The following HTR2C variants were observed in gnomAD, a reference collection of about 807,000 sequenced individuals.
HTR2C encodes 5-hydroxytryptamine (serotonin) receptor 2C, G protein-coupled.
In HTR2C, 5 loss-of-function variants were observed where a neutral mutation model predicts 21.0. The ratio of observed to expected loss-of-function variants is 0.24; its 90% CI spans 0.12 to 0.50. The LOEUF (loss-of-function observed/expected upper bound fraction) is 0.50, where lower values mean the gene tolerates loss of function less well. HTR2C is among the 20% of genes least tolerant of loss of function. HTR2C has a pLI of 0.98. For synonymous variants in HTR2C, 150 were observed against 145.3 expected (o/e 1.03, Z -0.23); for missense variants, 271 against 371.2 (o/e 0.73, Z 2.22).
At position 114,795,327 on chromosome X, in the gene HTR2C, T is replaced by A. The variant is rs782221540; in HGVS notation, c.350-52676T>A. On this transcript the variant is annotated intron_variant, in intron 4 of 5. Coordinates refer to ENST00000276198, the MANE Select transcript of HTR2C (RefSeq NM_000868.4). ...CATTCTGTAGGTTGCCTGTTCACTC[T>A]GATGGTAGTTTCTTTTGCTGTGCAG... Among the ~76,000 whole-genome samples, 90 of 111,125 alleles carry A rather than the reference T, an allele frequency of 8.1e-4. 1 individual carries two copies. Among genetic ancestry groups the A allele is most frequent in the African/African-American group, 2.8e-3 (85 of 30,645 alleles).
At chrX:114,824,812 C>G in intron 4 of HTR2C, among the ~76,000 whole-genome samples, 1 of 111,769 alleles carries the variant, frequency 8.9e-6, no homozygotes, top group Non-Finnish European at 1.9e-5. Context: ...CTTTATTTTC[C>G]TCAGCAGCAC....
intron 1 of HTR2C, among the ~76,000 whole-genome samples, chrX:114,592,518 T>G (rs964900043): frequency 9.0e-6 from 1 of 111,442 alleles, no homozygotes; most frequent in African/African-American, 3.3e-5. Flanking sequence ...ACAACACTTA[T>G]AGAGTGAGAA....
At position 114,765,620 on chromosome X, in the gene HTR2C, C is replaced by A. The variant is rs1411487050; in HGVS notation, c.349+34013C>A. ...TGAAAAACAACAACAACAACAACAA[C>A]AAATATTGATTCTTGCTTGATGTCT... On this transcript the variant is annotated intron_variant, in intron 4 of 5. Coordinates refer to ENST00000276198, the MANE Select transcript of HTR2C (RefSeq NM_000868.4). Among the ~76,000 whole-genome samples, 3 of 111,180 alleles carry A rather than the reference C, an allele frequency of 2.7e-5. No homozygotes were observed. In the East Asian group the frequency reaches 8.5e-4, roughly 32 times the overall value.
chrX:114,631,109 T>C (rs1180407920), intron 2 of HTR2C, among the ~76,000 whole-genome samples: 2 of 111,160 alleles, frequency 1.8e-5, no homozygotes, highest in Non-Finnish European at 3.8e-5. Flanking sequence ...ATCAAGGCCA[T>C]GCTGGCCAAC....
chrX:114,701,762 C>G (rs782292210), intron 2 of HTR2C, among the ~76,000 whole-genome samples: 2 of 111,723 alleles, frequency 1.8e-5, no homozygotes, highest in Admixed American at 9.5e-5. Context: ...CAAACTACTC[C>G]GAGCTACAGG....
chrX:114,666,224 T>A, intron 2 of HTR2C, among the ~76,000 whole-genome samples: 1 of 112,094 alleles, frequency 8.9e-6, no homozygotes. Context: ...TTGTAAATTT[T>A]GAAGTCAACT....
intron 3 of HTR2C, among the ~76,000 whole-genome samples, chrX:114,731,009 A>G (rs782377712): frequency 1.6e-4 from 18 of 111,558 alleles, no homozygotes; most frequent in Non-Finnish European, 3.0e-4. Flanking sequence ...ATTAGAACTG[A>G]CATCATGAGG....
At chrX:114,712,835 C>T (rs1244483010) in intron 2 of HTR2C, among the ~76,000 whole-genome samples, 2 of 111,765 alleles carry the variant, frequency 1.8e-5, no homozygotes, top group Non-Finnish European at 3.8e-5. Flanking sequence ...TCATCAAAGA[C>T]GAAAGATGTC....
intron 2 of HTR2C, among the ~76,000 whole-genome samples, chrX:114,718,554 T>A (rs1933062897): frequency 8.9e-6 from 1 of 112,106 alleles, no homozygotes; most frequent in South Asian, 3.6e-4. Context: ...TTGTGTAAAA[T>A]TGTACTATTG....
chrX:114,862,725 G>T (rs2071015850), intron 5 of HTR2C, among the ~76,000 whole-genome samples: 1 of 110,461 alleles, frequency 9.1e-6, no homozygotes, highest in East Asian at 2.8e-4. Context: ...AGGGTAACTG[G>T]GATATCCACC....
chrX:114,650,127 C>A (rs1930504435), intron 2 of HTR2C, among the ~76,000 whole-genome samples: 1 of 111,860 alleles, frequency 8.9e-6, no homozygotes, highest in Non-Finnish European at 1.9e-5. Context: ...AATTTGACTA[C>A]ATTTAATGTC....
intron 2 of HTR2C, among the ~76,000 whole-genome samples, chrX:114,704,239 G>T (rs1461585576): frequency 8.1e-5 from 9 of 111,209 alleles, no homozygotes; most frequent in Non-Finnish European, 1.5e-4. Flanking sequence ...TACCAAAGCT[G>T]GGCAGAGACA....
chrX:114,739,525 C>T lies in HTR2C; in HGVS notation c.349+7918C>T, dbSNP rs2069623971. 2.7e-5 allele frequency among the ~76,000 whole-genome samples: 3 copies of T among 111,240 alleles called. 1 individual carries two copies. The highest frequency in any genetic ancestry group is 7.5e-4 in the South Asian group (2 of 2,661). Reference sequence around the variant, plus strand: ...TTAAAATAGCAAGGAAAAGAGAATACATTAAGGAGAAAATATGCAAAATCT... The same window carrying T: ...TTAAAATAGCAAGGAAAAGAGAATATATTAAGGAGAAAATATGCAAAATCT... On this transcript the variant is annotated intron_variant, in intron 4 of 5. Coordinates refer to ENST00000276198, the MANE Select transcript of HTR2C (RefSeq NM_000868.4).
At chrX:114,665,128 A>C (rs185608614) in intron 2 of HTR2C, among the ~76,000 whole-genome samples, 19 of 112,256 alleles carry the variant, frequency 1.7e-4, no homozygotes, top group African/African-American at 3.6e-4. Flanking sequence ...TAGAAAAAAA[A>C]CTGATTGGTT....
intron 2 of HTR2C, among the ~76,000 whole-genome samples, chrX:114,685,190 AT>A (rs1334534839): frequency 4.5e-5 from 5 of 111,856 alleles, no homozygotes; most frequent in Non-Finnish European, 9.4e-5. Flanking sequence ...AAATTCCACT[AT>A]AATGTATTAG....
At chrX:114,778,068 CT>C (rs1206845482) in intron 4 of HTR2C, among the ~76,000 whole-genome samples, 2 of 111,739 alleles carry the variant, frequency 1.8e-5, no homozygotes, top group Admixed American at 1.9e-4. Flanking sequence ...TAGTATCTTT[CT>C]TTCTCTGAAG....
chrX:114,748,123 T>A (rs2069723361), intron 4 of HTR2C, among the ~76,000 whole-genome samples: 1 of 112,040 alleles, frequency 8.9e-6, no homozygotes, highest in Admixed American at 9.5e-5. Flanking sequence ...TATATAGTAG[T>A]GGTGGAAATT....
intron 4 of HTR2C, among the ~76,000 whole-genome samples, chrX:114,733,271 G>A (rs782174456): frequency 1.0e-4 from 11 of 109,903 alleles, no homozygotes; most frequent in Non-Finnish European, 9.5e-5. Context: ...TTAGCCGGGC[G>A]TGGTGGTGGG....
At chrX:114,749,453 CAAAAAAAAAAAAAAAAA>C (rs782652879) in intron 4 of HTR2C, among the ~76,000 whole-genome samples, 2 of 41,908 alleles carry the variant, frequency 4.8e-5, no homozygotes, top group African/African-American at 2.2e-4. Flanking sequence ...GTCCATGTCT[CAAAAAAAAAAAAAAAAA>C]AAAAAAGAAA....
Sources: allele counts gnomAD v4.1 joint callset (sites outside exome capture counted in the v4.1 genomes callset), GRCh38; gene constraint gnomAD v4.1.1; transcripts MANE v1.5; gene names NCBI Gene and HGNC (gene_info 2026-07-23, HGNC 2026-07-21).